MAD1L1: variants seen among roughly 807,000 people sequenced by gnomAD.
MAD1L1 encodes the protein mitotic spindle assembly checkpoint protein MAD1.
In MAD1L1, 95 loss-of-function variants were observed where a neutral mutation model predicts 96.9. The ratio of observed to expected loss-of-function variants is 0.98; its 90% CI spans 0.83 to 1.16. The LOEUF is 1.16. Among genes scored for constraint, MAD1L1 ranks in the 50% most tolerant of loss-of-function variants. The probability of loss-of-function intolerance (pLI) is 0.00; values close to 1 mark genes in which losing one functional copy is unlikely to be tolerated. For missense variants in MAD1L1, 1,007 were observed against 954.4 expected (o/e 1.06, Z -0.73); for synonymous variants, 473 against 396.6 (o/e 1.19, Z -2.29).
chr7:1,835,092 C>G (rs899108625), intron 18 of MAD1L1, among the ~76,000 whole-genome samples: 1 of 149,532 alleles, frequency 6.7e-6, no homozygotes, highest in African/African-American at 2.5e-5. Context: ...GAAAAAGCAT[C>G]TGATCAAACC....
rs1467741261 is a variant in MAD1L1 at position 1,989,944 on chromosome 7, G to A, written c.1417-9403C>T. Among the ~76,000 whole-genome samples, 5 of 152,220 alleles carry A rather than the reference G, an allele frequency of 3.3e-5. No individual in the cohort carries two copies. In the East Asian group the frequency reaches 7.7e-4, roughly 23 times the overall value. On this transcript the variant is annotated intron_variant, in intron 14 of 18. Coordinates refer to ENST00000265854, the MANE Select transcript of MAD1L1 (RefSeq NM_001013836.2). ...ACTAGCGCAGCATAACCTTTAAATA[G>A]AGACCTTGCATTCGGTTTAATTTGG...
At chr7:1,980,888 C>T in intron 14 of MAD1L1, 1 of 402,258 alleles carries the variant, frequency 2.5e-6, no homozygotes, top group East Asian at 6.4e-5. Flanking sequence ...TTAACAGCCA[C>T]AAGCCGTCGT....
intron 17 of MAD1L1, among the ~76,000 whole-genome samples, chr7:1,932,859 C>A (rs1274485083): frequency 6.6e-6 from 1 of 152,226 alleles, no homozygotes; most frequent in Non-Finnish European, 1.5e-5. Context: ...AATGTTCTTA[C>A]TTCTCTTCTC....
At chr7:2,184,248 T>G (rs1300120895) in intron 10 of MAD1L1, among the ~76,000 whole-genome samples, 1 of 151,364 alleles carries the variant, frequency 6.6e-6, no homozygotes, top group African/African-American at 2.4e-5. Flanking sequence ...CGAGACTCTG[T>G]CTCAAATAAA....
intron 18 of MAD1L1, among the ~76,000 whole-genome samples, chr7:1,868,532 T>TG (rs1784889642): frequency 1.0e-5 from 1 of 96,186 alleles, no homozygotes. Context: ...CAGCAGGGGG[T>TG]GGGGAAGGGA....
At chr7:1,993,646 C>A (rs1781440676) in intron 14 of MAD1L1, among the ~76,000 whole-genome samples, 1 of 152,220 alleles carries the variant, frequency 6.6e-6, no homozygotes, top group Non-Finnish European at 1.5e-5. Flanking sequence ...CCTGAGAAAT[C>A]TATTTTCTGG....
chr7:2,191,592 G>A (rs1791720491), intron 10 of MAD1L1, among the ~76,000 whole-genome samples: 1 of 151,900 alleles, frequency 6.6e-6, no homozygotes, highest in South Asian at 2.1e-4. Flanking sequence ...TTAGCTGGGC[G>A]TGGTGGCAAG....
intron 16 of MAD1L1, among the ~76,000 whole-genome samples, chr7:1,949,119 T>G (rs1169056797): frequency 1.3e-5 from 2 of 151,960 alleles, no homozygotes; most frequent in Non-Finnish European, 2.9e-5. Flanking sequence ...GGCTCCAGGG[T>G]GGCTCTCCTA....
At chr7:2,144,206 A>G (rs1438814875) in intron 11 of MAD1L1, among the ~76,000 whole-genome samples, 1 of 152,222 alleles carries the variant, frequency 6.6e-6, no homozygotes, top group African/African-American at 2.4e-5. Context: ...GGGAATCATA[A>G]GAGCTTCCAG....
chr7:1,983,635 A>G (rs1308205786), intron 14 of MAD1L1, among the ~76,000 whole-genome samples: 1 of 152,228 alleles, frequency 6.6e-6, no homozygotes, highest in Non-Finnish European at 1.5e-5. Flanking sequence ...ATTTACACGC[A>G]GTAAACTTCT....
intron 11 of MAD1L1, among the ~76,000 whole-genome samples, chr7:2,115,510 G>A (rs138326215): frequency 0.022 from 3,100 of 142,446 alleles, 88 homozygotes; most frequent in South Asian, 0.072. Context: ...CAGAGGAGGC[G>A]CTGGACAGGG....
At chr7:2,045,793 A>C (rs1783893312) in intron 12 of MAD1L1, among the ~76,000 whole-genome samples, 1 of 152,200 alleles carries the variant, frequency 6.6e-6, no homozygotes, top group African/African-American at 2.4e-5. Flanking sequence ...GCCCAGCCTC[A>C]GCCAGACAGC....
chr7:1,913,354 C>T (rs1290536499), intron 17 of MAD1L1, among the ~76,000 whole-genome samples: 4 of 148,092 alleles, frequency 2.7e-5, no homozygotes, highest in Non-Finnish European at 6.0e-5. Context: ...CCGGAGGAAG[C>T]GGCCTGGGGT....
intron 11 of MAD1L1, among the ~76,000 whole-genome samples, chr7:2,143,566 A>T (rs550195672): frequency 5.4e-4 from 82 of 151,598 alleles, no homozygotes; most frequent in Admixed American, 5.9e-4. Context: ...CACTCATCAC[A>T]CCCAATGACT....
chr7:1,819,292 C>T (rs1781999002), intron 18 of MAD1L1, among the ~76,000 whole-genome samples: 1 of 152,220 alleles, frequency 6.6e-6, no homozygotes, highest in Admixed American at 6.5e-5. Context: ...CAGGCTCTGG[C>T]TTCCTCTCCC....
rs1181326034 is a variant in MAD1L1, at chr7:2,064,711, C to T, written c.1218+4483G>A. Among the ~76,000 whole-genome samples the T allele has an allele frequency of 4.7e-5, 7 of 150,214 alleles. No homozygotes were observed. The East Asian group carries it at 1.4e-3, about 30-fold the overall frequency. ...ATGGCAGCTTCTCCCAGGAGGACAG[C>T]GGCTTCTCCCAGAGGATACCAGATT... is the stretch of plus-strand genomic sequence containing the variant. On this transcript the variant is annotated intron_variant, in intron 12 of 18. Coordinates refer to ENST00000265854, the MANE Select transcript of MAD1L1 (RefSeq NM_001013836.2).
intron 16 of MAD1L1, among the ~76,000 whole-genome samples, chr7:1,948,408 A>G (rs1022321723): frequency 1.3e-5 from 2 of 151,498 alleles, no homozygotes; most frequent in East Asian, 3.9e-4. Context: ...GGCCTGAGGG[A>G]GGGGCCGCAG....
At chr7:2,061,984 T>C (rs1562649954) in intron 12 of MAD1L1, among the ~76,000 whole-genome samples, 1 of 152,178 alleles carries the variant, frequency 6.6e-6, no homozygotes, top group African/African-American at 2.4e-5. Context: ...CTCACGCCTG[T>C]AATCCCAGCA....
At chr7:1,868,849 G>A (rs921323330) in intron 18 of MAD1L1, among the ~76,000 whole-genome samples, 1 of 152,148 alleles carries the variant, frequency 6.6e-6, no homozygotes, top group East Asian at 1.9e-4. Context: ...GGGCCCAGCG[G>A]TGCAAGCCCT....
Sources: allele counts gnomAD v4.1 joint callset (sites outside exome capture counted in the v4.1 genomes callset), GRCh38; gene constraint gnomAD v4.1.1; transcripts MANE v1.5; gene names NCBI Gene and HGNC (gene_info 2026-07-23, HGNC 2026-07-21).